LZTFL1: variants seen among roughly 807,000 people sequenced by gnomAD.
The protein encoded by LZTFL1 is leucine zipper transcription factor like 1.
LZTFL1 carries 25 observed loss-of-function variants against 45.9 expected under a neutral mutation model. That is an observed-to-expected ratio of 0.54 (90% CI 0.40 to 0.76). The LOEUF (loss-of-function observed/expected upper bound fraction) is 0.76, where lower values mean the gene tolerates loss of function less well. Among genes scored for constraint, LZTFL1 ranks in the 30% least tolerant of loss-of-function variants. LZTFL1 has a pLI of 0.00. For missense variants in LZTFL1, 277 were observed against 331.1 expected, an observed-to-expected ratio of 0.84 and a Z score of 1.27; for synonymous variants, 93 against 117.4, an observed-to-expected ratio of 0.79 and a Z score of 1.35.
intron 2 of LZTFL1, among the ~76,000 whole-genome samples, chr3:45,896,494 T>G (rs1702360662): frequency 6.6e-6 from 1 of 152,162 alleles, no homozygotes; most frequent in South Asian, 2.1e-4. Context: ...TGCCCCACAT[T>G]CCCTCAGCGT....
intron 3 of LZTFL1, among the ~76,000 whole-genome samples, chr3:45,856,522 A>C (rs1317068349): frequency 2.0e-5 from 3 of 152,206 alleles, no homozygotes; most frequent in African/African-American, 7.2e-5. Flanking sequence ...AACAAAAGCA[A>C]AAATTGACAA....
chr3:45,869,062 A>C (rs1162337311), intron 2 of LZTFL1, among the ~76,000 whole-genome samples: 1 of 152,240 alleles, frequency 6.6e-6, no homozygotes, highest in African/African-American at 2.4e-5. Flanking sequence ...AGCAGAGAGA[A>C]GGCAGAGTGT....
chr3:45,913,768 G>A (rs1702845926), intron 1 of LZTFL1, among the ~76,000 whole-genome samples: 1 of 152,082 alleles, frequency 6.6e-6, no homozygotes, highest in East Asian at 1.9e-4. Context: ...GACCAGCTTA[G>A]GAACTCCCTC....
rs535854027 is a variant in LZTFL1, at chr3:45,836,571, C to T, written c.129-787G>A. On this transcript the variant is annotated intron_variant, in intron 2 of 9. Transcript: ENST00000296135. ...TTAGGAGGCTGAGGCAGGAGAATCG[C>T]TTGTAACCAGAAGGTGGAGGTTGCA... 2.6e-5 allele frequency among the ~76,000 whole-genome samples: 4 copies of T among 152,242 alleles called. No homozygotes were observed. In the East Asian group the frequency reaches 7.7e-4, roughly 29 times the overall value.
intron 2 of LZTFL1, among the ~76,000 whole-genome samples, chr3:45,897,899 A>T (rs1486653376): frequency 6.7e-6 from 1 of 148,294 alleles, no homozygotes; most frequent in Non-Finnish European, 1.5e-5. Flanking sequence ...CTGGGCCCTC[A>T]TCTGTGAGGC....
intron 4 of LZTFL1, among the ~76,000 whole-genome samples, chr3:45,851,503 G>A (rs1421362530): frequency 6.6e-6 from 1 of 151,962 alleles, no homozygotes; most frequent in Non-Finnish European, 1.5e-5. Flanking sequence ...GGGATTAGAA[G>A]AGTGAGCCAC....
chr3:45,874,697 A>G (rs989155161), intron 2 of LZTFL1, among the ~76,000 whole-genome samples: 2 of 152,134 alleles, frequency 1.3e-5, no homozygotes, highest in Non-Finnish European at 2.9e-5. Context: ...CTTCCCATTG[A>G]GAGGTAGTGT....
chr3:45,880,113 C>T (rs372266005), intron 2 of LZTFL1, among the ~76,000 whole-genome samples: 1 of 152,206 alleles, frequency 6.6e-6, no homozygotes, highest in East Asian at 1.9e-4. Context: ...CCAGCCAAGG[C>T]AAGGCTCTCA....
At chr3:45,913,702 G>A (rs9825804) in intron 1 of LZTFL1, among the ~76,000 whole-genome samples, 2,316 of 152,210 alleles carry the variant, frequency 0.015, 59 homozygotes, top group African/African-American at 0.051. Flanking sequence ...AGTAGTTAGG[G>A]TAAAGATGCC....
At chr3:45,867,872 C>T (rs1174265691) in intron 2 of LZTFL1, among the ~76,000 whole-genome samples, 2 of 152,028 alleles carry the variant, frequency 1.3e-5, no homozygotes, top group African/African-American at 4.8e-5. Flanking sequence ...AACAAGAAAA[C>T]CTATATTAGC....
chr3:45,870,841 T>C (rs1701660398), intron 2 of LZTFL1, among the ~76,000 whole-genome samples: 1 of 152,248 alleles, frequency 6.6e-6, no homozygotes, highest in Non-Finnish European at 1.5e-5. Context: ...ACTGTGGCTA[T>C]TTGATATTAA....
chr3:45,907,887 G>A (rs1356182947), intron 2 of LZTFL1, among the ~76,000 whole-genome samples: 6 of 152,184 alleles, frequency 3.9e-5, no homozygotes, highest in Non-Finnish European at 5.9e-5. Flanking sequence ...TGAGAGCTGC[G>A]TCTCTAGCAT....
rs1057315360 is a variant in LZTFL1, at chr3:45,836,508, T to C, written c.129-724A>G. On this transcript the variant is annotated intron_variant, in intron 2 of 9. Coordinates refer to ENST00000296135, the MANE Select transcript of LZTFL1 (RefSeq NM_020347.4). ...CTTCTCTATTAAAAATACAAAAAAT[T>C]ACCTGGGTGTGGTGGCACGTGCCTT... 9.2e-5 allele frequency among the ~76,000 whole-genome samples: 14 copies of C among 152,070 alleles called. No homozygotes were observed. The South Asian group carries it at 1.2e-3, about 14-fold the overall frequency.
intron 2 of LZTFL1, among the ~76,000 whole-genome samples, chr3:45,907,689 C>T (rs1305729696): frequency 6.6e-6 from 1 of 152,180 alleles, no homozygotes; most frequent in Non-Finnish European, 1.5e-5. Flanking sequence ...GCCCGGTTAT[C>T]CTCCTGTGTG....
At position 45,901,521 on chromosome 3, in the gene LZTFL1, A is replaced by G. The variant is rs199702895; in HGVS notation, c.-215+11599T>C. 1 of 1,614,184 alleles carries G rather than the reference A, an allele frequency of 6.2e-7. No individual in the cohort carries two copies. Among genetic ancestry groups the G allele is most frequent in the Non-Finnish European group, 8.5e-7 (1 of 1,180,020 alleles). On this transcript the variant is annotated intron_variant, in intron 2 of 4. Coordinates refer to the LZTFL1 transcript ENST00000472635. The surrounding 1 kb of genome is among the most constrained non-coding windows in gnomAD (Gnocchi z 4.3). ...CATCATTCACACCCTGATACAAGCC[A>G]AGAAGTCTTCCAAGCACAAAGCCCT...
At chr3:45,827,128 G>A (rs1335403694) in intron 9 of LZTFL1, 2 of 501,416 alleles carry the variant, frequency 4.0e-6, no homozygotes, top group Non-Finnish European at 7.0e-6. Flanking sequence ...GCAGCTTACT[G>A]TAGGCCTGTG....
intron 5 of LZTFL1, 92 bp from the exon 6 acceptor site, chr3:45,831,230 A>G (rs1008494767): frequency 2.7e-6 from 2 of 731,686 alleles, no homozygotes; most frequent in African/African-American, 1.8e-5. Context: ...TAATTTTTAA[A>G]TTTAAATTAC....
intron 2 of LZTFL1, among the ~76,000 whole-genome samples, chr3:45,892,114 T>C (rs774341993): frequency 1.3e-5 from 2 of 152,218 alleles, no homozygotes; most frequent in Non-Finnish European, 2.9e-5. Flanking sequence ...GTGCTAATTA[T>C]GCTGTGTATC....
intron 3 of LZTFL1, among the ~76,000 whole-genome samples, chr3:45,856,215 T>C: frequency 6.6e-6 from 1 of 151,960 alleles, no homozygotes. Flanking sequence ...AGAACAGAGA[T>C]CTCAGAAATA....
Sources: gnomAD v4.1 joint callset for allele counts (sites outside exome capture counted in the v4.1 genomes callset) on GRCh38, gnomAD v4.1.1 for gene constraint, Gnocchi (gnomAD v3.1) non-coding constraint, MANE v1.5 for transcripts, NCBI Gene and HGNC (gene_info 2026-07-23, HGNC 2026-07-21) for gene names.